KCNB2: variants seen among roughly 807,000 people sequenced by gnomAD.
KCNB2 encodes potassium voltage-gated channel subfamily B member 2.
KCNB2 carries 15 observed loss-of-function variants against 61.5 expected under a neutral mutation model. The observed-to-expected ratio is 0.24, with a 90% CI of 0.16 to 0.38. The LOEUF is 0.38. KCNB2 is among the 10% of genes least tolerant of loss of function. The pLI is 1.00. For missense variants in KCNB2, 828 were observed against 1,125.2 expected, an observed-to-expected ratio of 0.74 and a Z score of 3.78; for synonymous variants, 457 against 446.0, an observed-to-expected ratio of 1.02 and a Z score of -0.31.
chr8:72,736,133 A>G (rs1585861569), intron 2 of KCNB2, among the ~76,000 whole-genome samples: 2 of 151,246 alleles, frequency 1.3e-5, no homozygotes, highest in East Asian at 2.0e-4. Context: ...GAGGCTACTA[A>G]TAGCCTTTAC....
At chr8:72,889,501 A>T (rs1805861272) in intron 2 of KCNB2, among the ~76,000 whole-genome samples, 1 of 152,092 alleles carries the variant, frequency 6.6e-6, no homozygotes, top group Non-Finnish European at 1.5e-5. Flanking sequence ...CAGGTTGGGC[A>T]ACATGATAAC....
intron 2 of KCNB2, among the ~76,000 whole-genome samples, chr8:72,792,578 GA>G (rs1206965207): frequency 6.6e-6 from 1 of 152,238 alleles, no homozygotes; most frequent in African/African-American, 2.4e-5. Context: ...GCAGCCTAGG[GA>G]AAAAACTTTA....
At chr8:72,832,592 G>T (rs72670039) in intron 2 of KCNB2, among the ~76,000 whole-genome samples, 2,008 of 152,314 alleles carry the variant, frequency 0.013, 30 homozygotes, top group Non-Finnish European at 0.022. Context: ...ATTTGTAAGT[G>T]TCAAGAGCTG....
intron 2 of KCNB2, among the ~76,000 whole-genome samples, chr8:72,890,391 C>T (rs575785188): frequency 1.4e-4 from 22 of 152,246 alleles, no homozygotes; most frequent in Admixed American, 1.4e-3. Context: ...GTCTCAGCCC[C>T]GAACAAAACA....
At chr8:72,733,334 G>A (rs1807782818) in intron 2 of KCNB2, among the ~76,000 whole-genome samples, 1 of 152,114 alleles carries the variant, frequency 6.6e-6, no homozygotes, top group African/African-American at 2.4e-5. Context: ...GTGAGACAAA[G>A]TGTAGATAAT....
chr8:72,891,379 G>A (rs879385329), intron 2 of KCNB2, among the ~76,000 whole-genome samples: 8 of 152,142 alleles, frequency 5.3e-5, no homozygotes, highest in Non-Finnish European at 1.2e-4. Flanking sequence ...CTCCACCACT[G>A]TCTTCAAAAT....
intron 2 of KCNB2, among the ~76,000 whole-genome samples, chr8:72,785,697 C>G (rs974107130): frequency 2.6e-5 from 4 of 151,932 alleles, no homozygotes; most frequent in Non-Finnish European, 4.4e-5. Flanking sequence ...TCTAAAATTT[C>G]TGGTATATTG....
At chr8:72,858,635 C>G (rs1810244661) in intron 2 of KCNB2, among the ~76,000 whole-genome samples, 1 of 152,204 alleles carries the variant, frequency 6.6e-6, no homozygotes, top group African/African-American at 2.4e-5. Flanking sequence ...TCATGACCCT[C>G]TCATACAATG....
At chr8:72,680,936 A>G (rs1234374067) in intron 2 of KCNB2, among the ~76,000 whole-genome samples, 1 of 152,156 alleles carries the variant, frequency 6.6e-6, no homozygotes, top group Non-Finnish European at 1.5e-5. Flanking sequence ...AAGATTAGAT[A>G]TATTAAGTGT....
intron 2 of KCNB2, among the ~76,000 whole-genome samples, chr8:72,835,526 C>G (rs1414807966): frequency 6.6e-6 from 1 of 152,112 alleles, no homozygotes; most frequent in Non-Finnish European, 1.5e-5. Flanking sequence ...GCACTGAGAG[C>G]TACGGGAACT....
Position 72,601,768 on chromosome 8 carries a change from A to G in KCNB2, c.579+33455A>G, listed in dbSNP as rs559379328. On this transcript the variant is annotated intron_variant, in intron 2 of 2. Transcript: ENST00000523207. ...GGTACTAATGTGGTTTCTTGACCTGAGTGGCTTGAAATGCCAGTTCAGTAC... is the reference window on the plus strand; with the variant it reads ...GGTACTAATGTGGTTTCTTGACCTGGGTGGCTTGAAATGCCAGTTCAGTAC... 3.3e-5 allele frequency among the ~76,000 whole-genome samples: 5 copies of G among 152,318 alleles called. No individual in the cohort carries two copies. In the South Asian group the frequency reaches 1.0e-3, roughly 32 times the overall value.
intron 2 of KCNB2, among the ~76,000 whole-genome samples, chr8:72,683,879 G>A (rs531270146): frequency 6.6e-6 from 1 of 152,260 alleles, no homozygotes; most frequent in South Asian, 2.1e-4. Flanking sequence ...CGGAAGATGG[G>A]GTTGGAAACG....
intron 2 of KCNB2, among the ~76,000 whole-genome samples, chr8:72,914,132 C>T (rs544744321): frequency 2.0e-5 from 3 of 152,106 alleles, no homozygotes; most frequent in Non-Finnish European, 4.4e-5. Flanking sequence ...TAGATGGTAC[C>T]TTCTCACTGT....
At chr8:72,710,113 C>T (rs1807302000) in intron 2 of KCNB2, among the ~76,000 whole-genome samples, 2 of 152,128 alleles carry the variant, frequency 1.3e-5, no homozygotes, top group Admixed American at 1.3e-4. Flanking sequence ...TCCTGCGTGC[C>T]CATGTTCTCA....
At position 72,793,386 on chromosome 8, in the gene KCNB2, CAAG is replaced by C. The variant is rs556139495; in HGVS notation, c.580-142545_580-142543del. 1.1e-3 allele frequency among the ~76,000 whole-genome samples: 161 copies of C among 152,260 alleles called. No homozygotes were observed. The South Asian group carries it at 0.015, about 14-fold the overall frequency. On this transcript the variant is annotated intron_variant, in intron 2 of 2. Transcript: ENST00000523207. Reference sequence around the variant, plus strand: ...GACAATTGAGCCAAGAAACAAATGACAAGAAGGAGCCAGCCTTGTGAAAATCTA... The same window carrying C: ...GACAATTGAGCCAAGAAACAAATGACAAGGAGCCAGCCTTGTGAAAATCTA...
intron 2 of KCNB2, among the ~76,000 whole-genome samples, chr8:72,902,644 C>T (rs1412268829): frequency 1.3e-5 from 2 of 152,066 alleles, no homozygotes; most frequent in African/African-American, 4.8e-5. Context: ...AGCTGAAGTT[C>T]ATAAAATAAT....
intron 2 of KCNB2, among the ~76,000 whole-genome samples, chr8:72,814,809 G>A (rs1400008525): frequency 6.6e-6 from 1 of 152,144 alleles, no homozygotes; most frequent in African/African-American, 2.4e-5. Flanking sequence ...ACATTGCCAA[G>A]TGTGTGTAAT....
At chr8:72,644,041 G>T (rs1021961494) in intron 2 of KCNB2, among the ~76,000 whole-genome samples, 1 of 152,076 alleles carries the variant, frequency 6.6e-6, no homozygotes, top group African/African-American at 2.4e-5. Flanking sequence ...TAATTGAATT[G>T]AATATTCAGT....
chr8:72,696,159 C>T (rs755121481), intron 2 of KCNB2, among the ~76,000 whole-genome samples: 5 of 152,082 alleles, frequency 3.3e-5, no homozygotes, highest in South Asian at 2.1e-4. Context: ...TCTATTTTTA[C>T]GTCCTTCAAT....
Sources: allele counts gnomAD v4.1 joint callset (sites outside exome capture counted in the v4.1 genomes callset), GRCh38; gene constraint gnomAD v4.1.1; transcripts MANE v1.5; gene names NCBI Gene and HGNC (gene_info 2026-07-23, HGNC 2026-07-21).